Variants in ASTN2 observed in about 807,000 individuals in gnomAD.
The protein encoded by ASTN2 is astrotactin-2.
ASTN2 carries 54 observed loss-of-function variants against 139.8 expected under a neutral mutation model. The ratio of observed to expected loss-of-function variants is 0.39; its 90% CI spans 0.31 to 0.48. The LOEUF (loss-of-function observed/expected upper bound fraction) is 0.48. Ranked by LOEUF, ASTN2 falls within the 20% of genes least tolerant of loss-of-function variation. The probability of loss-of-function intolerance (pLI) is 0.95; values close to 1 mark genes in which losing one functional copy is unlikely to be tolerated. For synonymous variants in ASTN2, 756 were observed against 719.5 expected (o/e 1.05, Z -0.81); for missense variants, 1,565 against 1,725.1 (o/e 0.91, Z 1.64).
chr9:116,509,113 C>G (rs1850245494), intron 19 of ASTN2, among the ~76,000 whole-genome samples: 1 of 152,164 alleles, frequency 6.6e-6, no homozygotes, highest in Non-Finnish European at 1.5e-5. Context: ...CACCCATTAA[C>G]TCGTCATTTA....
chr9:116,846,047 A>G (rs1832420752), intron 11 of ASTN2, among the ~76,000 whole-genome samples: 1 of 152,212 alleles, frequency 6.6e-6, no homozygotes. Context: ...ATTCTGACAC[A>G]CGCTGCAGCA....
chr9:117,237,040 A>C (rs1411612465), intron 2 of ASTN2, among the ~76,000 whole-genome samples: 1 of 152,192 alleles, frequency 6.6e-6, no homozygotes. Flanking sequence ...CCAGGATCAC[A>C]GAGTGGGTGA....
intron 19 of ASTN2, among the ~76,000 whole-genome samples, chr9:116,504,736 A>G (rs1850031413): frequency 6.6e-6 from 1 of 151,996 alleles, no homozygotes; most frequent in Non-Finnish European, 1.5e-5. Flanking sequence ...ATCTCTACAA[A>G]AGTACAAAAA....
At chr9:117,379,325 C>T (rs1022788513) in intron 1 of ASTN2, among the ~76,000 whole-genome samples, 3 of 152,066 alleles carry the variant, frequency 2.0e-5, no homozygotes, top group Non-Finnish European at 2.9e-5. Context: ...CAAAGGGACC[C>T]GGTGTTCATT....
At chr9:117,122,711 A>G (rs1829588309) in intron 4 of ASTN2, among the ~76,000 whole-genome samples, 1 of 152,100 alleles carries the variant, frequency 6.6e-6, no homozygotes, top group Admixed American at 6.6e-5. Context: ...AGACTTTATG[A>G]AGTCAACAGG....
At chr9:117,107,854 G>A (rs1443582061) in intron 4 of ASTN2, among the ~76,000 whole-genome samples, 1 of 152,150 alleles carries the variant, frequency 6.6e-6, no homozygotes, top group Non-Finnish European at 1.5e-5. Context: ...CTACCAAATT[G>A]TATCTGTATA....
At chr9:117,263,977 G>A (rs1162591581) in intron 2 of ASTN2, among the ~76,000 whole-genome samples, 1 of 151,486 alleles carries the variant, frequency 6.6e-6, no homozygotes, top group Non-Finnish European at 1.5e-5. Flanking sequence ...GACCAGCCTG[G>A]GCAACGCAGC....
At chr9:116,445,913 G>A (rs1016488663) in intron 20 of ASTN2, among the ~76,000 whole-genome samples, 1 of 152,150 alleles carries the variant, frequency 6.6e-6, no homozygotes, top group African/African-American at 2.4e-5. Context: ...CTGGGGGGTG[G>A]AGAAAGAGGA....
intron 10 of ASTN2, among the ~76,000 whole-genome samples, chr9:116,911,974 A>G (rs1834325266): frequency 6.6e-6 from 1 of 152,146 alleles, no homozygotes; most frequent in Admixed American, 6.6e-5. Context: ...ATTAGTTAAA[A>G]AAAACTTGCC....
At chr9:117,005,268 T>A (rs906898384) in intron 7 of ASTN2, among the ~76,000 whole-genome samples, 1 of 151,340 alleles carries the variant, frequency 6.6e-6, no homozygotes, top group Non-Finnish European at 1.5e-5. Flanking sequence ...TTTTTTGTAT[T>A]TTAGTAGACA....
At chr9:116,586,102 T>C (rs1286341353) in intron 19 of ASTN2, 2 of 152,198 alleles carry the variant, frequency 1.3e-5, no homozygotes, top group African/African-American at 4.8e-5. Flanking sequence ...TTGCGTGCTA[T>C]CTCACACTAG....
intron 5 of ASTN2, among the ~76,000 whole-genome samples, chr9:117,041,928 C>A (rs917333910): frequency 6.6e-6 from 1 of 152,164 alleles, no homozygotes; most frequent in African/African-American, 2.4e-5. Flanking sequence ...TACCCATATT[C>A]ATTGTGTTTC....
chr9:116,487,742 T>C (rs1360496076), intron 19 of ASTN2, among the ~76,000 whole-genome samples: 1 of 152,178 alleles, frequency 6.6e-6, no homozygotes, highest in East Asian at 1.9e-4. Context: ...TATAAGATTG[T>C]AGCAAGACTC....
chr9:117,294,132 CTT>C (rs1834668013), intron 1 of ASTN2, among the ~76,000 whole-genome samples: 1 of 152,256 alleles, frequency 6.6e-6, no homozygotes, highest in Non-Finnish European at 1.5e-5. Context: ...AGGTTAGTGA[CTT>C]AAGTTCACTG....
chr9:117,093,447 TG>T (rs555532101), intron 5 of ASTN2, among the ~76,000 whole-genome samples: 2 of 152,184 alleles, frequency 1.3e-5, no homozygotes, highest in Non-Finnish European at 2.9e-5. Flanking sequence ...TGCCAGTAAG[TG>T]GGGGGGCTGG....
At chr9:117,224,324 A>G (rs1353115415) in intron 2 of ASTN2, among the ~76,000 whole-genome samples, 1 of 152,250 alleles carries the variant, frequency 6.6e-6, no homozygotes, top group Non-Finnish European at 1.5e-5. Flanking sequence ...ATGCGATTGC[A>G]GTGTATAACA....
intron 1 of ASTN2, among the ~76,000 whole-genome samples, chr9:117,329,440 G>C (rs1353322608): frequency 6.6e-6 from 1 of 151,992 alleles, no homozygotes; most frequent in Non-Finnish European, 1.5e-5. Context: ...AAAGGAAAGA[G>C]GGAGAGGAGA....
intron 10 of ASTN2, among the ~76,000 whole-genome samples, chr9:116,886,869 C>T (rs1344793561): frequency 6.6e-6 from 1 of 151,984 alleles, no homozygotes; most frequent in Admixed American, 6.6e-5. Flanking sequence ...GGATTAAAGA[C>T]TTATGTGGTT....
chr9:116,610,408 C>A (rs890698257), intron 19 of ASTN2, among the ~76,000 whole-genome samples: 1 of 152,106 alleles, frequency 6.6e-6, no homozygotes, highest in Non-Finnish European at 1.5e-5. Context: ...AGTTTGAGAT[C>A]AGCCTGGCCA....
Sources: gnomAD v4.1 joint callset for allele counts (sites outside exome capture counted in the v4.1 genomes callset) on GRCh38, gnomAD v4.1.1 for gene constraint, MANE v1.5 for transcripts, NCBI Gene and HGNC (gene_info 2026-07-23, HGNC 2026-07-21) for gene names.